The following CLDN16 variants were observed in gnomAD, a reference collection of about 807,000 sequenced individuals.
CLDN16 encodes claudin-16.
Under a neutral mutation model 24.6 loss-of-function variants are expected in CLDN16, and 13 were observed. The observed-to-expected ratio is 0.53, with a 90% CI of 0.34 to 0.84. CLDN16 has a LOEUF of 0.84. CLDN16 is among the 40% of genes least tolerant of loss of function. The pLI is 0.01. For synonymous variants in CLDN16, 116 were observed against 106.7 expected (o/e 1.09, Z -0.54); for missense variants, 298 against 292.7 (o/e 1.02, Z -0.13).
Position 190,409,253 on chromosome 3 carries a change from C to T in CLDN16, c.575-650C>T, listed in dbSNP as rs372399572. On this transcript the variant is annotated intron_variant, in intron 4 of 4. Coordinates refer to ENST00000264734, the MANE Select transcript of CLDN16 (RefSeq NM_006580.4). ...ATGTATATATGCACACACGTATATG[C>T]ATGTATATATGCACACATGTATATG... 3.6e-3 allele frequency among the ~76,000 whole-genome samples: 389 copies of T among 106,782 alleles called. 2 individuals are homozygous for T. Among genetic ancestry groups the T allele is most frequent in the African/African-American group, 0.013 (288 of 22,882 alleles). The allele number at this position is 106,782 out of a possible 152,430, so 70.1% of individuals were successfully genotyped here.
the CLDN16 span, among the ~76,000 whole-genome samples, chr3:190,304,667 AGGGCAGGCT>A: frequency 0.019 from 2,881 of 152,258 alleles, 84 homozygotes; most frequent in African/African-American, 0.067. Flanking sequence ...AAGAGATTTT[AGGGCAGGCT>A]GGGGGTAAAT....
At chr3:190,354,107 T>A (rs929496191) in intron 1 of CLDN16, among the ~76,000 whole-genome samples, 1 of 152,048 alleles carries the variant, frequency 6.6e-6, no homozygotes, top group Non-Finnish European at 1.5e-5. Context: ...TGCCTTCTTC[T>A]ATGTCTGTAT....
the CLDN16 span, among the ~76,000 whole-genome samples, chr3:190,304,606 C>A: frequency 6.6e-6 from 1 of 152,048 alleles, no homozygotes; most frequent in Non-Finnish European, 1.5e-5. Context: ...CCCCACATAA[C>A]CCTAGAAGCT....
the CLDN16 span, among the ~76,000 whole-genome samples, chr3:190,301,895 A>G: frequency 6.6e-6 from 1 of 152,164 alleles, no homozygotes; most frequent in East Asian, 1.9e-4. Flanking sequence ...ACTACGTCTC[A>G]ATTTAGATCT....
At chr3:190,357,378 T>C (rs1009627175) in intron 1 of CLDN16, among the ~76,000 whole-genome samples, 7 of 151,896 alleles carry the variant, frequency 4.6e-5, no homozygotes, top group Non-Finnish European at 1.0e-4. Context: ...CCTCTCTCCT[T>C]ACAGCCAATA....
the CLDN16 span, among the ~76,000 whole-genome samples, chr3:190,295,645 C>G: frequency 6.6e-6 from 1 of 152,122 alleles, no homozygotes; most frequent in Non-Finnish European, 1.5e-5. Flanking sequence ...CTCAGAAGAT[C>G]CATGTTTACA....
At chr3:190,376,303 G>GA (rs985043991) in intron 3 of CLDN16, among the ~76,000 whole-genome samples, 1 of 151,570 alleles carries the variant, frequency 6.6e-6, no homozygotes, top group Non-Finnish European at 1.5e-5. Flanking sequence ...TGAAAGATTA[G>GA]AAAATTAAAG....
At chr3:190,363,253 C>A (rs1384373538) in intron 1 of CLDN16, among the ~76,000 whole-genome samples, 1 of 151,484 alleles carries the variant, frequency 6.6e-6, no homozygotes, top group African/African-American at 2.4e-5. Flanking sequence ...TTTCTAATTT[C>A]AAGTATTGCA....
In CLDN16 at chr3:190,410,111, T is replaced by G; in HGVS notation, c.*75T>G. 1 of 1,487,662 alleles carries G rather than the reference T, an allele frequency of 6.7e-7. No homozygotes were observed. Among genetic ancestry groups the G allele is most frequent in the East Asian group, 2.3e-5 (1 of 44,264 alleles). 92.2% of individuals were successfully genotyped at this position (1,487,662 alleles called of 1,614,324 possible). A position where few individuals can be genotyped will look rare whatever the true frequency, so the allele number is the denominator to read the frequency against. ...TTACATTGATAAAATAGTAAGTCAA[T>G]CCAGGAACAGTTATTTAGAATTCAT... On this transcript the variant is annotated 3_prime_UTR_variant, in exon 5 of 5. Coordinates refer to ENST00000264734, the MANE Select transcript of CLDN16 (RefSeq NM_006580.4).
chr3:190,353,069 A>C (rs1717701886), intron 1 of CLDN16, among the ~76,000 whole-genome samples: 1 of 152,088 alleles, frequency 6.6e-6, no homozygotes, highest in South Asian at 2.1e-4. Flanking sequence ...TTGCTGAGTA[A>C]GTGATTTTGT....
In CLDN16 at chr3:190,342,147, C is replaced by T. The variant is rs566637381; in HGVS notation, n.121+19486C>T. 2.8e-4 allele frequency among the ~76,000 whole-genome samples: 42 copies of T among 152,324 alleles called. No individual in the cohort carries two copies. The South Asian group carries it at 7.9e-3, about 29-fold the overall frequency. On this transcript the variant is annotated intron_variant and non_coding_transcript_variant, in intron 1 of 4. Coordinates refer to the CLDN16 transcript ENST00000468220. ...TCTGCCTGTTACACAGTTCCAAAGT[C>T]GCTTCCACATTTTCAGGTATCTTTT...
In CLDN16 at chr3:190,375,951, C is replaced by T. The variant is rs145744281; in HGVS notation, n.306+1348C>T. 5.1e-3 allele frequency among the ~76,000 whole-genome samples: 772 copies of T among 151,978 alleles called. 6 individuals are homozygous for T. The highest frequency in any genetic ancestry group is 0.018 in the African/African-American group (745 of 41,484). ...CTCTGCTGTGCCAGTATCTTGATCT[C>T]AGATCACTTCTGGCAGAATAATTCC... On this transcript the variant is annotated intron_variant and non_coding_transcript_variant, in intron 3 of 4. Coordinates refer to the CLDN16 transcript ENST00000468220.
At chr3:190,297,247 A>G in the CLDN16 span, among the ~76,000 whole-genome samples, 21 of 151,774 alleles carry the variant, frequency 1.4e-4, no homozygotes, top group Non-Finnish European at 2.4e-4. Flanking sequence ...TTTTTAGATA[A>G]AAAGTCACAT....
chr3:190,400,415 TAG>T (rs967356099), intron 1 of CLDN16, among the ~76,000 whole-genome samples: 2 of 152,080 alleles, frequency 1.3e-5, no homozygotes, highest in African/African-American at 4.8e-5. Flanking sequence ...GTATTTTTAG[TAG>T]AGACGGGGTT....
intron 1 of CLDN16, among the ~76,000 whole-genome samples, chr3:190,362,890 C>G (rs1717930022): frequency 6.6e-6 from 1 of 151,778 alleles, no homozygotes; most frequent in Non-Finnish European, 1.5e-5. Flanking sequence ...TGTCTGTGGG[C>G]TCTTTTAAGA....
intron 1 of CLDN16, among the ~76,000 whole-genome samples, chr3:190,398,809 T>C (rs573880095): frequency 6.6e-6 from 1 of 152,314 alleles, no homozygotes; most frequent in South Asian, 2.1e-4. Context: ...GATAAGGAGA[T>C]TGAGGATCAA....
At chr3:190,408,833 CTATATACAT>C (rs1719178138) in intron 4 of CLDN16, among the ~76,000 whole-genome samples, 1 of 120,832 alleles carries the variant, frequency 8.3e-6, no homozygotes, top group African/African-American at 2.7e-5. Flanking sequence ...TGTATATATA[CTATATACAT>C]ATATATACAC....
Position 190,388,457 on chromosome 3 carries a change from A to G in CLDN16, c.114+14A>G, listed in dbSNP as rs767771669. The stretch of plus-strand genomic sequence containing the variant: ...GACTCTCTGGAGGTAAGAAGATAGC[A>G]GCTTCTTTTCATGATCCAGGCCAGC... On this transcript the variant is annotated intron_variant, in intron 1 of 4. Transcript: ENST00000264734. 6.2e-7 allele frequency: 1 copy of G among 1,612,458 alleles called. No homozygotes were observed. The highest frequency in any genetic ancestry group is 1.1e-5 in the South Asian group (1 of 91,062).
chr3:190,389,440 A>C (rs1718594723), intron 1 of CLDN16, among the ~76,000 whole-genome samples: 1 of 152,196 alleles, frequency 6.6e-6, no homozygotes, highest in Admixed American at 6.5e-5. Flanking sequence ...TTTTCTTCTA[A>C]TTTTCTTTAT....
Sources: allele counts gnomAD v4.1 joint callset (sites outside exome capture counted in the v4.1 genomes callset), GRCh38; gene constraint gnomAD v4.1.1; transcripts MANE v1.5; gene names NCBI Gene and HGNC (gene_info 2026-07-23, HGNC 2026-07-21).